Variants in TXNRD1 observed in about 807,000 individuals in gnomAD.
The protein encoded by TXNRD1 is thioredoxin reductase 1.
A neutral mutation model predicts 80.3 loss-of-function variants in TXNRD1; 57 were observed. The observed-to-expected ratio is 0.71, with a 90% CI of 0.57 to 0.89. The LOEUF is 0.89. TXNRD1 is among the 40% of genes least tolerant of loss of function. The probability of loss-of-function intolerance (pLI) is 0.00; values close to 1 mark genes in which losing one functional copy is unlikely to be tolerated. For missense variants in TXNRD1, 730 were observed against 803.0 expected, an observed-to-expected ratio of 0.91 and a Z score of 1.10; for synonymous variants, 291 against 285.2, an observed-to-expected ratio of 1.02 and a Z score of -0.20.
At chr12:104,298,230 A>T (rs1020199672) in intron 4 of TXNRD1, among the ~76,000 whole-genome samples, 1 of 152,228 alleles carries the variant, frequency 6.6e-6, no homozygotes, top group Admixed American at 6.5e-5. Context: ...ATAATTTTGC[A>T]TATAAACTCA....
chr12:104,219,094 C>T (rs1458706443), intron 1 of TXNRD1, among the ~76,000 whole-genome samples: 1 of 151,944 alleles, frequency 6.6e-6, no homozygotes, highest in Non-Finnish European at 1.5e-5. Flanking sequence ...AGGGACACAC[C>T]ACCATGCCTA....
intron 16 of TXNRD1, among the ~76,000 whole-genome samples, chr12:104,341,829 C>G (rs1190951919): frequency 2.6e-5 from 4 of 152,206 alleles, no homozygotes; most frequent in Admixed American, 6.5e-5. Context: ...AAGCCCAGGC[C>G]TCCTGTACTT....
intron 1 of TXNRD1, among the ~76,000 whole-genome samples, chr12:104,233,343 C>A (rs145147966): frequency 6.6e-6 from 1 of 152,188 alleles, no homozygotes; most frequent in Non-Finnish European, 1.5e-5. Flanking sequence ...TTACTTTTCA[C>A]GGTAAAATAA....
At chr12:104,249,857 C>G (rs370406040) in intron 1 of TXNRD1, among the ~76,000 whole-genome samples, 3 of 149,384 alleles carry the variant, frequency 2.0e-5, no homozygotes, top group South Asian at 2.1e-4. Context: ...ATGGCGTGAA[C>G]CCGGGAGGCG....
chr12:104,319,235 G>T (rs372808693), intron 8 of TXNRD1, among the ~76,000 whole-genome samples, 180 bp downstream of exon 8: 1 of 152,176 alleles, frequency 6.6e-6, no homozygotes, highest in Non-Finnish European at 1.5e-5. Flanking sequence ...ATGGTAAAGT[G>T]TAAGTATGCT....
At chr12:104,248,512 T>C (rs957703453) in intron 1 of TXNRD1, among the ~76,000 whole-genome samples, 5 of 152,196 alleles carry the variant, frequency 3.3e-5, no homozygotes, top group African/African-American at 9.7e-5. Flanking sequence ...CTCAAACTCC[T>C]AACCTCAGGT....
chr12:104,284,593 C>T (rs1382302317), intron 3 of TXNRD1, among the ~76,000 whole-genome samples: 2 of 152,204 alleles, frequency 1.3e-5, no homozygotes, highest in African/African-American at 4.8e-5. Flanking sequence ...CTATTTCCAG[C>T]ATTTTCTGAG....
chr12:104,306,068 A>G (rs908789675), intron 4 of TXNRD1, among the ~76,000 whole-genome samples: 4 of 152,012 alleles, frequency 2.6e-5, no homozygotes, highest in African/African-American at 9.7e-5. Flanking sequence ...CACACCCAGC[A>G]AATACTTGTA....
At chr12:104,226,358 T>C (rs1205211335) in intron 1 of TXNRD1, among the ~76,000 whole-genome samples, 2 of 152,226 alleles carry the variant, frequency 1.3e-5, no homozygotes, top group Non-Finnish European at 2.9e-5. Context: ...GACCCTTGCC[T>C]ATGAAGCACT....
intron 1 of TXNRD1, among the ~76,000 whole-genome samples, chr12:104,243,972 T>A (rs1334884899): frequency 6.6e-6 from 1 of 152,172 alleles, no homozygotes; most frequent in Non-Finnish European, 1.5e-5. Context: ...GGACAGTGGC[T>A]TTATTACCTG....
chr12:104,348,371 G>A lies in TXNRD1; in HGVS notation c.1900G>A (p.Val634Met), dbSNP rs2036559386. 1 of 1,613,896 alleles carries A rather than the reference G, an allele frequency of 6.2e-7. No homozygotes were observed. Among genetic ancestry groups the A allele is most frequent in the African/African-American group, 1.3e-5 (1 of 74,926 alleles). Residue 634 changes from valine (V) to methionine (M), a missense_variant, in exon 17 of 17, where the codon GTG (valine) becomes ATG (methionine). By Grantham distance (21) the Val-to-Met change is conservative. Coordinates refer to ENST00000525566, the MANE Select transcript of TXNRD1 (RefSeq NM_001093771.3). ...CCTGCAGGTATTCACAACATTGTCT[G>A]TGACCAAGCGCTCTGGGGCAAGCAT... ...VCAEVFTTLS[V>M]TKRSGASILQ... is the part of the protein sequence containing the mutation.
Position 104,319,551 on chromosome 12 carries a change from G to A in TXNRD1, c.955G>A (p.Gly319Ser). The change falls in exon 9 of 17, where the codon GGC becomes AGC. Residue 319 changes from glycine to serine, a missense_variant. Coordinates refer to ENST00000525566, the MANE Select transcript of TXNRD1 (RefSeq NM_001093771.3). ...IATGERPRYL[G>S]IPGDKEYCIS... ...CACTGGTGAAAGACCACGTTACTTGGGCATCCCTGGTGACAAAGAATACTG... is the reference window on the plus strand; with the variant it reads ...CACTGGTGAAAGACCACGTTACTTGAGCATCCCTGGTGACAAAGAATACTG... 1 of 1,604,898 alleles carries A rather than the reference G, an allele frequency of 6.2e-7. No homozygotes were observed. The highest frequency in any genetic ancestry group is 1.1e-5 in the South Asian group (1 of 88,766).
intron 1 of TXNRD1, among the ~76,000 whole-genome samples, chr12:104,249,285 T>C (rs2033060712): frequency 6.6e-6 from 1 of 152,166 alleles, no homozygotes; most frequent in African/African-American, 2.4e-5. Flanking sequence ...GCTAATCCCA[T>C]TCTTGAGGGC....
chr12:104,342,389 G>C (rs537920698), intron 16 of TXNRD1, among the ~76,000 whole-genome samples: 6 of 152,224 alleles, frequency 3.9e-5, no homozygotes, highest in African/African-American at 1.4e-4. Context: ...AAATTCCAAG[G>C]GTTTTAGAAG....
chr12:104,240,886 G>C (rs2032843659), intron 1 of TXNRD1, among the ~76,000 whole-genome samples: 1 of 151,734 alleles, frequency 6.6e-6, no homozygotes, highest in Admixed American at 6.6e-5. Flanking sequence ...GGGACTACAG[G>C]CGCCCGCCAC....
At chr12:104,270,539 C>T (rs1411953065) in intron 3 of TXNRD1, among the ~76,000 whole-genome samples, 1 of 152,100 alleles carries the variant, frequency 6.6e-6, no homozygotes, top group Non-Finnish European at 1.5e-5. Context: ...CTTTGTTGTT[C>T]CATTTCTAAA....
At chr12:104,218,486 C>CACT (rs1349045861) in intron 1 of TXNRD1, among the ~76,000 whole-genome samples, 1 of 152,172 alleles carries the variant, frequency 6.6e-6, no homozygotes, top group Non-Finnish European at 1.5e-5. Flanking sequence ...CAAGGGCAAA[C>CACT]ACTACTCTGA....
At chr12:104,274,624 G>A (rs1217960580) in intron 3 of TXNRD1, among the ~76,000 whole-genome samples, 10 of 151,432 alleles carry the variant, frequency 6.6e-5, no homozygotes, top group African/African-American at 1.7e-4. Flanking sequence ...GCTTGAACCC[G>A]GGAGGCAGAG....
At chr12:104,250,956 T>C (rs2033105975) in intron 1 of TXNRD1, among the ~76,000 whole-genome samples, 1 of 152,228 alleles carries the variant, frequency 6.6e-6, no homozygotes, top group Admixed American at 6.5e-5. Context: ...TTTGTTTTGA[T>C]GCCTGATTGG....
Sources: allele counts gnomAD v4.1 joint callset (sites outside exome capture counted in the v4.1 genomes callset), GRCh38; gene constraint gnomAD v4.1.1; transcripts MANE v1.5; gene names NCBI Gene and HGNC (gene_info 2026-07-23, HGNC 2026-07-21).